The following MGMT variants were observed in gnomAD, a reference collection of about 807,000 sequenced individuals.
The protein encoded by MGMT is O-6-methylguanine-DNA methyltransferase, also known as methylated-DNA--protein-cysteine methyltransferase.
MGMT carries 14 observed loss-of-function variants against 15.9 expected under a neutral mutation model. The observed-to-expected ratio is 0.88, with a 90% CI of 0.58 to 1.37. The LOEUF (loss-of-function observed/expected upper bound fraction) is 1.37, where lower values mean the gene tolerates loss of function less well. MGMT is among the 40% of genes most tolerant of loss of function. MGMT has a pLI of 0.00. For synonymous variants in MGMT, 130 were observed against 118.2 expected, an observed-to-expected ratio of 1.10 and a Z score of -0.65; for missense variants, 282 against 268.1, an observed-to-expected ratio of 1.05 and a Z score of -0.36.
chr10:129,691,337 G>C (rs1024551655), intron 2 of MGMT, among the ~76,000 whole-genome samples: 1 of 152,228 alleles, frequency 6.6e-6, no homozygotes, highest in Non-Finnish European at 1.5e-5. Context: ...GGTGAGGTGA[G>C]TGGAAGCAAG....
chr10:129,536,427 G>A (rs371266845), intron 2 of MGMT, 50 bp downstream of exon 2: 19 of 1,587,378 alleles, frequency 1.2e-5, no homozygotes, highest in African/African-American at 4.1e-5. Context: ...TGAAGCAACC[G>A]AGGAGTATAT....
intron 3 of MGMT, among the ~76,000 whole-genome samples, chr10:129,754,037 T>C (rs1848778488): frequency 6.6e-6 from 1 of 152,206 alleles, no homozygotes. Flanking sequence ...CATCAGTTCT[T>C]TTGTGCACCA....
chr10:129,744,512 G>A (rs1186492516), intron 3 of MGMT, among the ~76,000 whole-genome samples: 1 of 152,248 alleles, frequency 6.6e-6, no homozygotes, highest in South Asian at 2.1e-4. Context: ...ACCTCCTCCA[G>A]GGACCATACT....
At chr10:129,595,229 C>T (rs1159537117) in intron 2 of MGMT, among the ~76,000 whole-genome samples, 2 of 152,126 alleles carry the variant, frequency 1.3e-5, no homozygotes. Context: ...AGCCATGGTG[C>T]CTTTGAGGAG....
At chr10:129,745,304 A>T (rs1351148788) in intron 3 of MGMT, among the ~76,000 whole-genome samples, 1 of 152,120 alleles carries the variant, frequency 6.6e-6, no homozygotes, top group East Asian at 1.9e-4. Flanking sequence ...GTGAATGTTA[A>T]CGCGTGTGTG....
At chr10:129,610,202 AT>A (rs934053638) in intron 2 of MGMT, among the ~76,000 whole-genome samples, 1 of 152,096 alleles carries the variant, frequency 6.6e-6, no homozygotes, top group Admixed American at 6.5e-5. Flanking sequence ...GAATTTATTG[AT>A]TTTTTGAGAC....
At position 129,613,726 on chromosome 10, in the gene MGMT, G is replaced by A. The variant is rs187280202; in HGVS notation, c.125+77349G>A. On this transcript the variant is annotated intron_variant, in intron 2 of 4. Coordinates refer to ENST00000651593, the MANE Select transcript of MGMT (RefSeq NM_002412.5). ...GGAGTCTTGGCGGGAGGCTGGTGGCGCAGGCTGATGGGTCCTGTCCCTCTG... is the reference window on the plus strand; with the variant it reads ...GGAGTCTTGGCGGGAGGCTGGTGGCACAGGCTGATGGGTCCTGTCCCTCTG... Among the ~76,000 whole-genome samples the A allele has an allele frequency of 4.6e-4, 70 of 152,328 alleles. 1 individual carries two copies. In the East Asian group the frequency reaches 0.013, roughly 28 times the overall value.
chr10:129,590,501 T>C (rs1846670798), intron 2 of MGMT, among the ~76,000 whole-genome samples: 2 of 152,196 alleles, frequency 1.3e-5, no homozygotes, highest in African/African-American at 2.4e-5. Flanking sequence ...CAGAGCAAAA[T>C]AAAACTGTTT....
chr10:129,574,972 G>A (rs562559895), intron 2 of MGMT, among the ~76,000 whole-genome samples: 14 of 152,258 alleles, frequency 9.2e-5, no homozygotes, highest in African/African-American at 2.4e-4. Flanking sequence ...CACCAGGGCA[G>A]GAGTTCTGAT....
At chr10:129,743,481 C>A (rs1267660126) in intron 3 of MGMT, among the ~76,000 whole-genome samples, 2 of 152,200 alleles carry the variant, frequency 1.3e-5, no homozygotes, top group Non-Finnish European at 2.9e-5. Context: ...ATCGTGGCCT[C>A]ACCGGCCCAC....
At chr10:129,707,480 C>T (rs764822020) in intron 2 of MGMT, among the ~76,000 whole-genome samples, 11 of 152,076 alleles carry the variant, frequency 7.2e-5, no homozygotes, top group East Asian at 1.9e-4. Context: ...GGAGGCAGAA[C>T]GCGTGGATGT....
intron 3 of MGMT, among the ~76,000 whole-genome samples, chr10:129,728,810 GC>G (rs1328906977): frequency 6.6e-6 from 1 of 151,318 alleles, no homozygotes; most frequent in Non-Finnish European, 1.5e-5. Context: ...CAGCCCCAAT[GC>G]CCCCGCCTCC....
intron 3 of MGMT, among the ~76,000 whole-genome samples, chr10:129,742,912 A>C (rs1589971422): frequency 6.6e-6 from 1 of 152,016 alleles, no homozygotes; most frequent in South Asian, 2.1e-4. Context: ...GCACTGCCCC[A>C]CCACCGCAGC....
chr10:129,696,507 A>G (rs1229658385), intron 2 of MGMT, among the ~76,000 whole-genome samples: 1 of 152,272 alleles, frequency 6.6e-6, no homozygotes, highest in Non-Finnish European at 1.5e-5. Context: ...GAAAAGGCAG[A>G]GAAATGTAGC....
intron 3 of MGMT, among the ~76,000 whole-genome samples, chr10:129,741,611 C>G (rs1228993206): frequency 6.6e-6 from 1 of 152,114 alleles, no homozygotes; most frequent in African/African-American, 2.4e-5. Flanking sequence ...GAGAGGGAGG[C>G]GGTTTTCTTC....
intron 2 of MGMT, among the ~76,000 whole-genome samples, chr10:129,573,802 C>T (rs577388834): frequency 2.6e-5 from 4 of 152,186 alleles, no homozygotes; most frequent in Admixed American, 2.0e-4. Context: ...TTTGGTGGTA[C>T]TTCATATATG....
At chr10:129,751,585 G>T (rs1248204952) in intron 3 of MGMT, among the ~76,000 whole-genome samples, 5 of 150,984 alleles carry the variant, frequency 3.3e-5, no homozygotes, top group Non-Finnish European at 7.4e-5. Flanking sequence ...TCTTTTTCTG[G>T]TTTCTTAAGT....
chr10:129,666,722 C>T (rs1847663230), intron 2 of MGMT, among the ~76,000 whole-genome samples: 1 of 152,136 alleles, frequency 6.6e-6, no homozygotes, highest in Non-Finnish European at 1.5e-5. Context: ...ATATTTTTAT[C>T]TGTTATTTCT....
intron 1 of MGMT, among the ~76,000 whole-genome samples, chr10:129,529,425 G>T (rs1845906166): frequency 6.6e-6 from 1 of 152,060 alleles, no homozygotes; most frequent in Non-Finnish European, 1.5e-5. Flanking sequence ...TCCCTCCCAT[G>T]CACAGTTCAC....
Sources: gnomAD v4.1 joint callset for allele counts (sites outside exome capture counted in the v4.1 genomes callset) on GRCh38, gnomAD v4.1.1 for gene constraint, MANE v1.5 for transcripts, NCBI Gene and HGNC (gene_info 2026-07-23, HGNC 2026-07-21) for gene names.